Variants in FHIT observed in about 807,000 individuals in gnomAD.
The protein encoded by FHIT is fragile histidine triad diadenosine triphosphatase.
FHIT carries 19 observed loss-of-function variants against 17.9 expected under a neutral mutation model. That is an observed-to-expected ratio of 1.06 (90% CI 0.74 to 1.56). FHIT has a LOEUF of 1.56. Among genes scored for constraint, FHIT ranks in the 40% most tolerant of loss-of-function variants. The probability of loss-of-function intolerance (pLI) is 0.00; values close to 1 mark genes in which losing one functional copy is unlikely to be tolerated. For missense variants in FHIT, 248 were observed against 189.2 expected (o/e 1.31, Z -1.82); for synonymous variants, 81 against 69.7 (o/e 1.16, Z -0.81).
At chr3:61,207,940 T>C (rs544911965) in intron 1 of FHIT, among the ~76,000 whole-genome samples, 2 of 152,332 alleles carry the variant, frequency 1.3e-5, no homozygotes, top group East Asian at 1.9e-4. Flanking sequence ...CTGCTTTCTT[T>C]TGTGGGCATT....
At chr3:59,873,956 T>C (rs929319662) in intron 8 of FHIT, among the ~76,000 whole-genome samples, 4 of 152,084 alleles carry the variant, frequency 2.6e-5, no homozygotes, top group Admixed American at 6.6e-5. Context: ...GCCTTCAGCT[T>C]CCAAGCAACA....
In FHIT at chr3:61,223,248, C is replaced by T. The variant is rs545013834; in HGVS notation, c.-212-22583G>A. ...AATGAACATGACAGACCACAGTTTG[C>T]ATGATAGGCCAAGCAGCAGAACAGA... On this transcript the variant is annotated intron_variant, in intron 1 of 9. Transcript: ENST00000492590. 6.6e-4 allele frequency among the ~76,000 whole-genome samples: 100 copies of T among 152,284 alleles called. 1 individual carries two copies. The highest frequency in any genetic ancestry group is 2.2e-3 in the African/African-American group (93 of 41,556).
At chr3:59,950,671 C>T (rs576453673) in intron 7 of FHIT, among the ~76,000 whole-genome samples, 1 of 152,196 alleles carries the variant, frequency 6.6e-6, no homozygotes, top group African/African-American at 2.4e-5. Flanking sequence ...TACTTCCATG[C>T]TACAAACTCA....
At chr3:61,208,520 T>A (rs1266271159) in intron 1 of FHIT, among the ~76,000 whole-genome samples, 1 of 152,150 alleles carries the variant, frequency 6.6e-6, no homozygotes, top group African/African-American at 2.4e-5. Flanking sequence ...CATATATATT[T>A]AGGATAGTTA....
chr3:60,100,521 T>C (rs542779947), intron 5 of FHIT, among the ~76,000 whole-genome samples: 1 of 152,140 alleles, frequency 6.6e-6, no homozygotes, highest in African/African-American at 2.4e-5. Context: ...AATCCTAAGT[T>C]GTTTCCACCT....
chr3:60,868,030 C>G (rs1704239423), intron 3 of FHIT, among the ~76,000 whole-genome samples: 1 of 152,070 alleles, frequency 6.6e-6, no homozygotes, highest in Non-Finnish European at 1.5e-5. Context: ...AACCTGTGTG[C>G]TCACCAAGAC....
At chr3:60,779,695 G>C (rs1553725297) in intron 4 of FHIT, among the ~76,000 whole-genome samples, 1 of 151,980 alleles carries the variant, frequency 6.6e-6, no homozygotes, top group Admixed American at 6.6e-5. Flanking sequence ...ATACATTTTT[G>C]TCCCAGACTG....
At chr3:61,043,032 C>T (rs1410809180) in intron 2 of FHIT, among the ~76,000 whole-genome samples, 1 of 152,050 alleles carries the variant, frequency 6.6e-6, no homozygotes, top group Non-Finnish European at 1.5e-5. Flanking sequence ...CTACAGCTCC[C>T]AGCTTGAGTG....
intron 5 of FHIT, among the ~76,000 whole-genome samples, chr3:60,056,292 G>C (rs546290079): frequency 7.6e-4 from 115 of 152,082 alleles, no homozygotes; most frequent in African/African-American, 2.6e-3. Context: ...AGAAAGCTTG[G>C]TTTGCTTCTG....
At chr3:59,853,844 G>C (rs1458787536) in intron 8 of FHIT, among the ~76,000 whole-genome samples, 2 of 152,064 alleles carry the variant, frequency 1.3e-5, no homozygotes, top group African/African-American at 4.8e-5. Flanking sequence ...TATACTTATT[G>C]AGAGTCTAGA....
At chr3:59,813,800 G>A (rs370613419) in intron 8 of FHIT, among the ~76,000 whole-genome samples, 12 of 152,124 alleles carry the variant, frequency 7.9e-5, no homozygotes, top group Non-Finnish European at 1.8e-4. Flanking sequence ...GGGCATACAC[G>A]TGACTCAATA....
At chr3:60,656,385 G>A (rs2040115925) in intron 4 of FHIT, among the ~76,000 whole-genome samples, 1 of 152,064 alleles carries the variant, frequency 6.6e-6, no homozygotes, top group South Asian at 2.1e-4. Context: ...CTCTATTACT[G>A]GGGGCAAGAT....
At chr3:60,844,163 T>C (rs1303578898) in intron 3 of FHIT, among the ~76,000 whole-genome samples, 1 of 152,152 alleles carries the variant, frequency 6.6e-6, no homozygotes, top group Non-Finnish European at 1.5e-5. Context: ...TTTAGTAGAA[T>C]CTTATTCACC....
intron 7 of FHIT, among the ~76,000 whole-genome samples, chr3:59,970,999 T>G (rs1708153526): frequency 6.6e-6 from 1 of 152,034 alleles, no homozygotes; most frequent in African/African-American, 2.4e-5. Flanking sequence ...TGTGTGGACT[T>G]GTCAGCAGCT....
chr3:60,244,425 C>G (rs1247148789), intron 5 of FHIT, among the ~76,000 whole-genome samples: 1 of 151,996 alleles, frequency 6.6e-6, no homozygotes, highest in Non-Finnish European at 1.5e-5. Flanking sequence ...GTCACTTAAA[C>G]TTATTAAAAC....
At chr3:59,873,437 T>A (rs1384438425) in intron 8 of FHIT, among the ~76,000 whole-genome samples, 1 of 152,200 alleles carries the variant, frequency 6.6e-6, no homozygotes, top group African/African-American at 2.4e-5. Context: ...AATGGCCAAT[T>A]AACATAAATG....
intron 3 of FHIT, among the ~76,000 whole-genome samples, chr3:61,001,562 AC>A (rs1394076726): frequency 6.6e-6 from 1 of 152,268 alleles, no homozygotes; most frequent in African/African-American, 2.4e-5. Flanking sequence ...TCAAGAAGAT[AC>A]ATACTATATG....
At chr3:60,347,951 G>C (rs890423940) in intron 5 of FHIT, among the ~76,000 whole-genome samples, 3 of 151,960 alleles carry the variant, frequency 2.0e-5, no homozygotes, top group African/African-American at 7.3e-5. Flanking sequence ...TAAAGACGAG[G>C]TTTCACCATG....
In FHIT at chr3:61,174,202, T is replaced by A. The variant is rs77112253; in HGVS notation, c.-164+26415A>T. On this transcript the variant is annotated intron_variant, in intron 2 of 9. Coordinates refer to ENST00000492590, the MANE Select transcript of FHIT (RefSeq NM_002012.4). ...GGCTATGCTTTCTATTCTGCTTAAG[T>A]AACATAAAAACTGATTAGGAAACTC... Among the ~76,000 whole-genome samples the A allele has an allele frequency of 3.9e-4, 59 of 152,292 alleles. No homozygotes were observed. The East Asian group carries it at 8.7e-3, about 22-fold the overall frequency.
Sources: allele counts gnomAD v4.1 joint callset (sites outside exome capture counted in the v4.1 genomes callset), GRCh38; gene constraint gnomAD v4.1.1; transcripts MANE v1.5; gene names NCBI Gene and HGNC (gene_info 2026-07-23, HGNC 2026-07-21).